PIGF: variants seen among roughly 807,000 people sequenced by gnomAD.
PIGF encodes the protein phosphatidylinositol glycan anchor biosynthesis class F, also known as GPI ethanolamine phosphate transferase, stabilizing subunit.
Under a neutral mutation model 26.0 loss-of-function variants are expected in PIGF, and 23 were observed. The observed-to-expected ratio is 0.88, with a 90% CI of 0.64 to 1.25. The LOEUF (loss-of-function observed/expected upper bound fraction) is 1.25. PIGF is among the 50% of genes most tolerant of loss of function. The probability of loss-of-function intolerance (pLI) is 0.00; values close to 1 mark genes in which losing one functional copy is unlikely to be tolerated. For missense variants in PIGF, 278 were observed against 249.9 expected, an observed-to-expected ratio of 1.11 and a Z score of -0.76; for synonymous variants, 93 against 92.6, an observed-to-expected ratio of 1.00 and a Z score of -0.03.
chr2:46,609,344 A>C (rs565644867), intron 4 of PIGF, among the ~76,000 whole-genome samples: 1 of 152,346 alleles, frequency 6.6e-6, no homozygotes, highest in East Asian at 1.9e-4. Context: ...TTTGGCTTAG[A>C]ATGTTGTACC....
At chr2:46,614,001 C>T in intron 2 of PIGF, 1 of 458,596 alleles carries the variant, frequency 2.2e-6, no homozygotes, top group Non-Finnish European at 3.9e-6. Flanking sequence ...ACCTTCCGCC[C>T]ATATTCTACC....
Position 46,588,043 on chromosome 2 carries a change from T to A in PIGF, c.546+4432A>T. ...TACTCCTCCCCTCTCACACTTGGAC[T>A]TTCTAGTGTATAAAATGGGAGTAAA... On this transcript the variant is annotated intron_variant, in intron 5 of 5. Coordinates refer to ENST00000281382, the MANE Select transcript of PIGF (RefSeq NM_002643.4). The surrounding 1 kb of genome is among the most constrained non-coding windows in gnomAD (Gnocchi z 4.1). 6.6e-7 allele frequency: 1 copy of A among 1,511,140 alleles called. No individual in the cohort carries two copies. Among genetic ancestry groups the A allele is most frequent in the Non-Finnish European group, 8.9e-7 (1 of 1,129,026 alleles). 93.6% of individuals were successfully genotyped at this position (1,511,140 alleles called of 1,614,324 possible).
intron 4 of PIGF, among the ~76,000 whole-genome samples, chr2:46,600,702 C>T (rs573167108): frequency 5.3e-4 from 80 of 152,078 alleles, no homozygotes; most frequent in Non-Finnish European, 9.9e-4. Flanking sequence ...TGTCTAGAAC[C>T]ATCCAATTTC....
At chr2:46,607,360 T>C (rs1013706387) in intron 4 of PIGF, among the ~76,000 whole-genome samples, 22 of 152,224 alleles carry the variant, frequency 1.4e-4, no homozygotes, top group African/African-American at 5.3e-4. Flanking sequence ...GCTATGTTTA[T>C]TGTAATATTT....
chr2:46,584,211 T>C (rs1350882749), intron 5 of PIGF, among the ~76,000 whole-genome samples: 5 of 152,194 alleles, frequency 3.3e-5, no homozygotes, highest in Admixed American at 2.0e-4. Flanking sequence ...AATAAAATAC[T>C]ATGCATAGTT....
At chr2:46,606,176 A>C (rs1216769761) in intron 4 of PIGF, among the ~76,000 whole-genome samples, 1 of 152,188 alleles carries the variant, frequency 6.6e-6, no homozygotes, top group Non-Finnish European at 1.5e-5. Context: ...GTAGTACACT[A>C]ATGTGGTTCA....
chr2:46,592,337 A>G (rs1669747061), intron 5 of PIGF, 138 bp downstream of exon 5: 3 of 626,146 alleles, frequency 4.8e-6, no homozygotes, highest in Middle Eastern at 4.3e-4. Flanking sequence ...AGCTGCCCAG[A>G]TTACAGTGAC....
At chr2:46,595,024 G>T (rs1272766180) in intron 4 of PIGF, among the ~76,000 whole-genome samples, 2 of 151,798 alleles carry the variant, frequency 1.3e-5, no homozygotes, top group Non-Finnish European at 2.9e-5. Context: ...TTTTTTAGTA[G>T]AGATGGGGTT....
At position 46,592,566 on chromosome 2, in the gene PIGF, T is replaced by G; in HGVS notation, c.455A>C (p.Glu152Ala). ...AATTGTAGTGATCTGGAGACTATTC[T>G]CCCATATGGATGTAACTCTGTGAAA... ...FSRNGVTSIWENSLQITTISS... is the reference protein window; with the variant it reads ...FSRNGVTSIWANSLQITTISS... Residue 152 changes from glutamate to alanine, a missense_variant, in exon 5 of 6, where the codon GAG (glutamate) becomes GCG (alanine). Coordinates refer to ENST00000281382, the MANE Select transcript of PIGF (RefSeq NM_002643.4). 6.3e-7 allele frequency: 1 copy of G among 1,590,832 alleles called. No individual in the cohort carries two copies. The highest frequency in any genetic ancestry group is 1.3e-5 in the African/African-American group (1 of 74,630).
intron 4 of PIGF, among the ~76,000 whole-genome samples, chr2:46,598,919 C>T (rs1669972319): frequency 6.6e-6 from 1 of 152,132 alleles, no homozygotes; most frequent in Admixed American, 6.6e-5. Flanking sequence ...AATTCAAGCA[C>T]GGGGATGCAC....
At chr2:46,585,475 T>C (rs1250500288) in intron 5 of PIGF, among the ~76,000 whole-genome samples, 1 of 152,188 alleles carries the variant, frequency 6.6e-6, no homozygotes, top group Non-Finnish European at 1.5e-5. Context: ...AGCCAGCTCA[T>C]TTTAACATCT....
chr2:46,609,052 A>G (rs1322969321), intron 4 of PIGF, among the ~76,000 whole-genome samples: 1 of 152,242 alleles, frequency 6.6e-6, no homozygotes, highest in Admixed American at 6.5e-5. Flanking sequence ...TAAAAGTCCT[A>G]GATGGCATCT....
At chr2:46,584,578 T>A (rs1042927553) in intron 5 of PIGF, among the ~76,000 whole-genome samples, 18 of 152,190 alleles carry the variant, frequency 1.2e-4, no homozygotes, top group African/African-American at 4.3e-4. Context: ...GTTAAAAAAT[T>A]TTGTCTAATG....
chr2:46,584,768 T>A (rs1669514580), intron 5 of PIGF, among the ~76,000 whole-genome samples: 1 of 152,166 alleles, frequency 6.6e-6, no homozygotes, highest in South Asian at 2.1e-4. Context: ...AACCCTGTCA[T>A]TTTTTTAAAA....
intron 4 of PIGF, among the ~76,000 whole-genome samples, chr2:46,600,026 C>A (rs1670007276): frequency 6.6e-6 from 1 of 152,214 alleles, no homozygotes; most frequent in Non-Finnish European, 1.5e-5. Flanking sequence ...AAGATAAATG[C>A]TATCTCTGTG....
chr2:46,604,503 C>T (rs1042183308), intron 4 of PIGF, among the ~76,000 whole-genome samples: 3 of 151,504 alleles, frequency 2.0e-5, no homozygotes, highest in Non-Finnish European at 3.0e-5. Context: ...GTGATACATA[C>T]ATGCAGTGGA....
intron 5 of PIGF, among the ~76,000 whole-genome samples, chr2:46,587,756 A>C (rs532695678): frequency 4.6e-5 from 7 of 152,300 alleles, no homozygotes; most frequent in African/African-American, 1.7e-4. Flanking sequence ...TATTAGCTTT[A>C]AATATTCTCC....
chr2:46,594,559 G>A (rs1267707097), intron 4 of PIGF, among the ~76,000 whole-genome samples: 1 of 150,796 alleles, frequency 6.6e-6, no homozygotes, highest in Non-Finnish European at 1.5e-5. Flanking sequence ...TTTTGAGACG[G>A]AGTTTCGCTG....
intron 4 of PIGF, among the ~76,000 whole-genome samples, chr2:46,594,876 G>GT (rs1669834992): frequency 6.6e-6 from 1 of 150,778 alleles, no homozygotes; most frequent in Non-Finnish European, 1.5e-5. Context: ...TTGAGATGGA[G>GT]TTTCGCTCTT....
Sources: allele counts gnomAD v4.1 joint callset (sites outside exome capture counted in the v4.1 genomes callset), GRCh38; gene constraint gnomAD v4.1.1; non-coding constraint Gnocchi (gnomAD v3.1); transcripts MANE v1.5; gene names NCBI Gene and HGNC (gene_info 2026-07-23, HGNC 2026-07-21).